SAXO3: variants seen among roughly 807,000 people sequenced by gnomAD.
The protein encoded by SAXO3 is stabilizer of axonemal microtubules 3, also known as CTB-60B18.10.
the SAXO3 span, chr19:49,018,248 G>A: frequency 2.3e-6 from 2 of 874,116 alleles, no homozygotes; most frequent in Non-Finnish European, 3.0e-6. Context: ...CGGACAGGGC[G>A]GCCGCTGCGG....
chr19:49,019,502 G>A, the SAXO3 span: 1 of 1,078,774 alleles, frequency 9.3e-7, no homozygotes, highest in Non-Finnish European at 1.1e-6. Flanking sequence ...CTGGCCTAAT[G>A]CCCAGCCCCT....
At chr19:49,018,230 G>C in the SAXO3 span, 1 of 700,274 alleles carries the variant, frequency 1.4e-6, no homozygotes, top group Non-Finnish European at 2.0e-6. Flanking sequence ...GGGCGGCCGG[G>C]AGGAGCGCGG....
the SAXO3 span, chr19:49,019,620 C>T: frequency 8.0e-7 from 1 of 1,257,098 alleles, no homozygotes; most frequent in African/African-American, 1.6e-5. Context: ...CGCCCCGTCT[C>T]GCCGGCGCCG....
chr19:49,019,245 A>G, the SAXO3 span: 1 of 1,332,396 alleles, frequency 7.5e-7, no homozygotes, highest in Non-Finnish European at 9.6e-7. Flanking sequence ...CTGCTGTTCA[A>G]GGAACTCAAA....
chr19:49,019,472 T>TA, the SAXO3 span: 22 of 1,241,384 alleles, frequency 1.8e-5, no homozygotes, highest in Non-Finnish European at 2.2e-5. Flanking sequence ...GGTGAGTTTG[T>TA]AGTCCCTGGT....
the SAXO3 span, chr19:49,019,258 C>T: frequency 4.6e-6 from 6 of 1,305,994 alleles, no homozygotes; most frequent in Non-Finnish European, 5.8e-6. Context: ...AACTCAAACC[C>T]AAGCCCCCAG....
chr19:49,020,062 G>A, the SAXO3 span: 4 of 1,423,082 alleles, frequency 2.8e-6, no homozygotes, highest in Non-Finnish European at 3.6e-6. Context: ...AAGCCCAGTT[G>A]TGAGAATCCT....
the SAXO3 span, chr19:49,020,243 C>T: frequency 1.3e-5 from 6 of 468,602 alleles, no homozygotes; most frequent in African/African-American, 1.0e-4. Flanking sequence ...TCCCTGGTGC[C>T]TCCTCTCTCA....
chr19:49,019,258 C>G, the SAXO3 span: 2 of 1,305,994 alleles, frequency 1.5e-6, no homozygotes, highest in Middle Eastern at 2.9e-4. Context: ...AACTCAAACC[C>G]AAGCCCCCAG....
chr19:49,019,668 G>A, the SAXO3 span: 10 of 1,252,964 alleles, frequency 8.0e-6, no homozygotes, highest in Middle Eastern at 5.3e-4. Context: ...CCCCGCGGTG[G>A]TGGTCTGCGA....
chr19:49,019,188 C>T, the SAXO3 span: 3 of 1,409,556 alleles, frequency 2.1e-6, no homozygotes, highest in Admixed American at 3.0e-5. Context: ...CTTCCTTTCT[C>T]ATACCCGAAC....
the SAXO3 span, chr19:49,018,824 C>T: frequency 3.3e-5 from 49 of 1,466,604 alleles, 2 homozygotes; most frequent in South Asian, 5.8e-4. Flanking sequence ...GTGCACCGGC[C>T]ACGGCGGGGG....
the SAXO3 span, chr19:49,018,945 G>C: frequency 2.6e-6 from 4 of 1,534,494 alleles, no homozygotes; most frequent in Non-Finnish European, 2.6e-6. Context: ...GCCCCGGTCG[G>C]ATACTGTGAA....
the SAXO3 span, chr19:49,020,121 G>T: frequency 1.1e-6 from 1 of 930,506 alleles, no homozygotes; most frequent in Non-Finnish European, 1.5e-6. Context: ...TGGAGAGAAG[G>T]CGCCGCACAT....
At chr19:49,019,894 C>G in the SAXO3 span, 1 of 1,424,076 alleles carries the variant, frequency 7.0e-7, no homozygotes, top group Non-Finnish European at 9.5e-7. Flanking sequence ...GACTCCGGCA[C>G]TCCCCAAACT....
the SAXO3 span, chr19:49,019,143 G>C: frequency 8.6e-5 from 122 of 1,415,354 alleles, no homozygotes; most frequent in Middle Eastern, 5.2e-4. Flanking sequence ...CCCAGGGTTA[G>C]AGCCCTTCCT....
At chr19:49,018,933 ACGCCCCGG>A in the SAXO3 span, 49 of 1,534,300 alleles carry the variant, frequency 3.2e-5, no homozygotes, top group Non-Finnish European at 4.3e-5. Flanking sequence ...GCGGTCCAGG[ACGCCCCGG>A]TCGGATACTG....
chr19:49,020,326 C>G, the SAXO3 span: 1 of 415,870 alleles, frequency 2.4e-6, no homozygotes, highest in Non-Finnish European at 4.2e-6. Flanking sequence ...TAGCCCCTAT[C>G]TTTCTGGGTC....
At chr19:49,019,708 G>T in the SAXO3 span, 2 of 1,181,594 alleles carry the variant, frequency 1.7e-6, no homozygotes, top group South Asian at 4.3e-5. Flanking sequence ...GAAGTATTCC[G>T]GGGCGCGCGG....
Sources: allele counts gnomAD v4.1 joint callset, GRCh38; gene constraint gnomAD v4.1.1; transcripts MANE v1.5; gene names NCBI Gene and HGNC (gene_info 2026-07-23, HGNC 2026-07-21).